RPAP2: variants seen among roughly 807,000 people sequenced by gnomAD.
The protein encoded by RPAP2 is putative RNA polymerase II subunit B1 CTD phosphatase RPAP2.
A neutral mutation model predicts 73.1 loss-of-function variants in RPAP2; 52 were observed. The ratio of observed to expected loss-of-function variants is 0.71; its 90% CI spans 0.57 to 0.90. The LOEUF (loss-of-function observed/expected upper bound fraction) is 0.90, where lower values mean the gene tolerates loss of function less well. Among genes scored for constraint, RPAP2 ranks in the 40% least tolerant of loss-of-function variants. The pLI is 0.00. For missense variants in RPAP2, 598 were observed against 701.8 expected (o/e 0.85, Z 1.67); for synonymous variants, 225 against 242.1 (o/e 0.93, Z 0.65).
At chr1:92,306,395 AT>A (rs1651234442) in intron 5 of RPAP2, among the ~76,000 whole-genome samples, 2 of 152,220 alleles carry the variant, frequency 1.3e-5, no homozygotes, top group Non-Finnish European at 2.9e-5. Context: ...AATTGTGAAC[AT>A]TTTTTAATTG....
chr1:92,341,536 C>T (rs1048172280), intron 10 of RPAP2, among the ~76,000 whole-genome samples: 4 of 152,118 alleles, frequency 2.6e-5, no homozygotes, highest in South Asian at 4.1e-4. Flanking sequence ...CTCTCCAGTG[C>T]GTGGAACAGT....
intron 6 of RPAP2, among the ~76,000 whole-genome samples, chr1:92,318,935 T>C (rs1652083998): frequency 6.6e-6 from 1 of 152,180 alleles, no homozygotes; most frequent in Admixed American, 6.5e-5. Flanking sequence ...GAGGGCAGAC[T>C]TCTTTAATAA....
intron 10 of RPAP2, among the ~76,000 whole-genome samples, chr1:92,343,008 T>A (rs375193383): frequency 1.4e-4 from 21 of 152,136 alleles, no homozygotes; most frequent in African/African-American, 4.8e-4. Flanking sequence ...GCTAATACAT[T>A]TGAGAGTTGT....
intron 10 of RPAP2, among the ~76,000 whole-genome samples, chr1:92,336,994 C>CA (rs1329278079): frequency 6.6e-5 from 10 of 152,182 alleles, no homozygotes; most frequent in East Asian, 1.9e-4. Flanking sequence ...TAAAAATACT[C>CA]ACTCAGGCTA....
rs1211728518 is a variant in RPAP2 at position 92,320,618 on chromosome 1, C to T, written c.508C>T (p.Leu170=). 6.2e-7 allele frequency: 1 copy of T among 1,610,684 alleles called. No individual in the cohort carries two copies. The highest frequency in any genetic ancestry group is 8.5e-7 in the Non-Finnish European group (1 of 1,177,310). ...TTACAGGCATCCTGATTTTCAACTGCTAAAGGAAGAACAAAGGTATGGTTG... is the reference window on the plus strand; with the variant it reads ...TTACAGGCATCCTGATTTTCAACTGTTAAAGGAAGAACAAAGGTATGGTTG... ...EEERHPDFQL[L]KEEQSGHSGE... Residue 170 remains leucine, a synonymous_variant, in exon 7 of 13, where the codon CTA becomes TTA. Transcript: ENST00000610020.
intron 11 of RPAP2, among the ~76,000 whole-genome samples, chr1:92,373,767 A>T (rs1185090743): frequency 6.8e-6 from 1 of 146,236 alleles, no homozygotes; most frequent in African/African-American, 2.6e-5. Context: ...AAAAAAAAAA[A>T]AAAGTAGCCA....
intron 6 of RPAP2, among the ~76,000 whole-genome samples, chr1:92,316,631 C>T (rs528352265): frequency 4.3e-4 from 66 of 152,252 alleles, no homozygotes; most frequent in Non-Finnish European, 8.1e-4. Flanking sequence ...AGGATGGTTA[C>T]ATATTTTTGT....
intron 11 of RPAP2, among the ~76,000 whole-genome samples, chr1:92,373,733 TAAAAATAAAAAAAAAAAAAA>T (rs1438147096): frequency 1.5e-4 from 6 of 40,892 alleles, no homozygotes; most frequent in African/African-American, 1.9e-4. Context: ...CCGTCTCTAC[TAAAAATAAAAAAAAAAAAAA>T]AAAAAAAAAA....
At chr1:92,368,078 A>G (rs1654997857) in intron 11 of RPAP2, among the ~76,000 whole-genome samples, 1 of 152,158 alleles carries the variant, frequency 6.6e-6, no homozygotes, top group African/African-American at 2.4e-5. Flanking sequence ...GTGGTTCAGT[A>G]TGAGTGCAGT....
At chr1:92,312,410 C>T (rs1001927423) in intron 6 of RPAP2, among the ~76,000 whole-genome samples, 31 of 87,152 alleles carry the variant, frequency 3.6e-4, no homozygotes, top group African/African-American at 1.3e-3. Context: ...CAGAGCAAGA[C>T]CGTGTCTCAA....
intron 12 of RPAP2, among the ~76,000 whole-genome samples, chr1:92,382,411 C>A (rs1655682667): frequency 6.6e-6 from 1 of 152,272 alleles, no homozygotes; most frequent in East Asian, 1.9e-4. Context: ...TCCTATTTCT[C>A]CACATCCTCT....
intron 11 of RPAP2, among the ~76,000 whole-genome samples, chr1:92,380,208 G>A (rs559359069): frequency 1.2e-3 from 176 of 150,648 alleles, no homozygotes; most frequent in Non-Finnish European, 6.4e-4. Flanking sequence ...AACCCAGGAG[G>A]TGGAGGTTGC....
chr1:92,316,633 T>C (rs1285846698), intron 6 of RPAP2, among the ~76,000 whole-genome samples: 2 of 152,236 alleles, frequency 1.3e-5, no homozygotes, highest in Non-Finnish European at 2.9e-5. Flanking sequence ...GATGGTTACA[T>C]ATTTTTGTTT....
chr1:92,314,231 T>C (rs982934650), intron 6 of RPAP2, among the ~76,000 whole-genome samples: 2 of 152,204 alleles, frequency 1.3e-5, no homozygotes, highest in Non-Finnish European at 2.9e-5. Flanking sequence ...AGCTTAATCA[T>C]TTCTAGCTTT....
At chr1:92,302,102 G>A (rs559553129) in intron 3 of RPAP2, among the ~76,000 whole-genome samples, 2 of 152,230 alleles carry the variant, frequency 1.3e-5, no homozygotes, top group Admixed American at 1.3e-4. Context: ...CCAACATGGT[G>A]AAACCTCGTT....
Position 92,324,360 on chromosome 1 carries a change from A to G in RPAP2, c.1440A>G (p.Ser480=), listed in dbSNP as rs1307621132. 6.2e-7 allele frequency: 1 copy of G among 1,612,990 alleles called. No homozygotes were observed. The highest frequency in any genetic ancestry group is 1.7e-5 in the Admixed American group (1 of 59,922). ...RYVLGEETTK[S]QDSEEHDSTF... ...TTTTGGGTGAAGAAACCACCAAATC[A>G]CAAGACTCAGAAGAGGTATGTCTTA... The change falls in exon 8 of 13, where the codon TCA becomes TCG. Residue 480 remains serine (S), a synonymous_variant. Transcript: ENST00000610020.
rs548832523 is a variant in RPAP2, at chr1:92,398,230, C to G, written c.*11219C>G. 4.6e-5 allele frequency: 7 copies of G among 152,018 alleles called. No individual in the cohort carries two copies. Among genetic ancestry groups the G allele is most frequent in the Non-Finnish European group, 1.0e-4 (7 of 68,010 alleles). 9.4% of individuals were successfully genotyped at this position (152,018 alleles called of 1,614,324 possible). ...GATAAGTGCTTAAGATGATGGAAACCCTATTTATCCTGATGTGATTATTAC... is the reference window on the plus strand; with the variant it reads ...GATAAGTGCTTAAGATGATGGAAACGCTATTTATCCTGATGTGATTATTAC... On this transcript the variant is annotated 3_prime_UTR_variant, in exon 13 of 13. Transcript: ENST00000610020.
chr1:92,320,308 C>T lies in RPAP2; in HGVS notation c.489-291C>T, dbSNP rs564187095. The stretch of plus-strand genomic sequence containing the variant: ...TTTTTTCTTAAGATGGAGTCTCGCT[C>T]TGTCGCCAGGCTGGAGTGCAGTGGC... On this transcript the variant is annotated intron_variant, in intron 6 of 12. Coordinates refer to ENST00000610020, the MANE Select transcript of RPAP2 (RefSeq NM_024813.3). Among the ~76,000 whole-genome samples, 13 of 152,080 alleles carry T rather than the reference C, an allele frequency of 8.5e-5. No individual in the cohort carries two copies. In the East Asian group the frequency reaches 2.3e-3, roughly 27 times the overall value.
chr1:92,322,805 G>T (rs1652365321), intron 7 of RPAP2, among the ~76,000 whole-genome samples: 1 of 150,778 alleles, frequency 6.6e-6, no homozygotes, highest in South Asian at 2.1e-4. Flanking sequence ...TGAACCTAGG[G>T]GGCAGAGGTT....
Sources: gnomAD v4.1 joint callset for allele counts (sites outside exome capture counted in the v4.1 genomes callset) on GRCh38, gnomAD v4.1.1 for gene constraint, MANE v1.5 for transcripts, NCBI Gene and HGNC (gene_info 2026-07-23, HGNC 2026-07-21) for gene names.